The following CACNA1E variants were observed in gnomAD, a reference collection of about 807,000 sequenced individuals.
The protein encoded by CACNA1E is calcium voltage-gated channel subunit alpha1 E.
In CACNA1E, 40 loss-of-function variants were observed where a neutral mutation model predicts 259.2. That is an observed-to-expected ratio of 0.15 (90% CI 0.12 to 0.20). The LOEUF is 0.20. Ranked by LOEUF, CACNA1E falls within the 10% of genes least tolerant of loss-of-function variation. The pLI, the probability that CACNA1E is intolerant of heterozygous loss-of-function variation, is 1.00. For synonymous variants in CACNA1E, 1,104 were observed against 1,138.5 expected, an observed-to-expected ratio of 0.97 and a Z score of 0.61; for missense variants, 1,874 against 3,040.1, an observed-to-expected ratio of 0.62 and a Z score of 9.02.
At chr1:181,361,715 G>A (rs1653897838) in intron 1 of CACNA1E, among the ~76,000 whole-genome samples, 2 of 152,142 alleles carry the variant, frequency 1.3e-5, no homozygotes, top group South Asian at 4.1e-4. Context: ...TCACTGCTCT[G>A]TTTGTATCTG....
chr1:181,766,750 G>C, intron 35 of CACNA1E, 139 bp downstream of exon 35: 1 of 662,216 alleles, frequency 1.5e-6, no homozygotes, highest in East Asian at 2.7e-5. Flanking sequence ...TCTTGTCACA[G>C]TGTGACCTTG....
At position 181,802,036 on chromosome 1, in the gene CACNA1E, G is replaced by A. The variant is rs1329959902; in HGVS notation, c.*3202G>A. 6.6e-6 allele frequency: 1 copy of A among 152,230 alleles called. No homozygotes were observed. The highest frequency in any genetic ancestry group is 1.5e-5 in the Non-Finnish European group (1 of 68,052). 9.4% of individuals were successfully genotyped at this position (152,230 alleles called of 1,614,324 possible). On this transcript the variant is annotated 3_prime_UTR_variant, in exon 48 of 48. Transcript: ENST00000367573. ...GAATGCATGCTGTCTCTTTCTCTGT[G>A]TCTGTCTCCCCATCTCCTAGAGGAC...
At chr1:181,705,253 T>C (rs761081871) in intron 7 of CACNA1E, among the ~76,000 whole-genome samples, 3 of 152,196 alleles carry the variant, frequency 2.0e-5, no homozygotes, top group Non-Finnish European at 4.4e-5. Flanking sequence ...CAGGCACACA[T>C]GATAAATGTT....
chr1:181,596,038 A>G (rs1442453803), intron 6 of CACNA1E, among the ~76,000 whole-genome samples: 1 of 152,200 alleles, frequency 6.6e-6, no homozygotes, highest in African/African-American at 2.4e-5. Flanking sequence ...TAGGTTATTT[A>G]AACTGGATCT....
intron 25 of CACNA1E, among the ~76,000 whole-genome samples, chr1:181,749,469 T>G (rs532724860): frequency 6.6e-6 from 1 of 152,352 alleles, no homozygotes; most frequent in African/African-American, 2.4e-5. Context: ...AACCTGCTGA[T>G]GCAGAGCCTT....
chr1:181,733,406 G>T lies in CACNA1E; in HGVS notation c.2949-31G>T. 2.7e-6 allele frequency: 4 copies of T among 1,481,182 alleles called. 1 individual carries two copies. In the South Asian group the frequency reaches 5.6e-5, roughly 21 times the overall value. 91.8% of individuals were successfully genotyped at this position (1,481,182 alleles called of 1,614,324 possible). A position where few individuals can be genotyped will look rare whatever the true frequency, so the allele number is the denominator to read the frequency against. On this transcript the variant is annotated intron_variant, in intron 20 of 47. Coordinates refer to ENST00000367573, the MANE Select transcript of CACNA1E (RefSeq NM_001205293.3). Reference sequence around the variant, plus strand: ...CCTGCCATTTGGGGACAGCGTCTGAGCACCAGCTCTCTCTTCCTCTCTCTT... The same window carrying T: ...CCTGCCATTTGGGGACAGCGTCTGATCACCAGCTCTCTCTTCCTCTCTCTT...
At chr1:181,713,950 C>G (rs935706499) in intron 8 of CACNA1E, among the ~76,000 whole-genome samples, 2 of 152,208 alleles carry the variant, frequency 1.3e-5, no homozygotes, top group Admixed American at 1.3e-4. Context: ...AGGGGACTGT[C>G]TGGTGTCATT....
At chr1:181,436,167 A>G (rs1660071493) in intron 2 of CACNA1E, among the ~76,000 whole-genome samples, 1 of 152,262 alleles carries the variant, frequency 6.6e-6, no homozygotes, top group African/African-American at 2.4e-5. Context: ...CCACAGTGAG[A>G]TATCAGTTCA....
At chr1:181,426,673 TTCAAC>T (rs1659256788) in intron 2 of CACNA1E, among the ~76,000 whole-genome samples, 1 of 23,878 alleles carries the variant, frequency 4.2e-5, no homozygotes, top group Non-Finnish European at 8.2e-5. Flanking sequence ...CCCTTTACAA[TTCAAC>T]CCCTTCACAA....
chr1:181,422,473 G>A (rs1658822317), intron 2 of CACNA1E, among the ~76,000 whole-genome samples: 1 of 152,198 alleles, frequency 6.6e-6, no homozygotes, highest in East Asian at 1.9e-4. Context: ...TCTAGACCAG[G>A]GTCAGCCCCT....
chr1:181,436,210 A>G (rs1312507197), intron 2 of CACNA1E, among the ~76,000 whole-genome samples: 1 of 152,244 alleles, frequency 6.6e-6, no homozygotes, highest in Admixed American at 6.5e-5. Context: ...AAAAGAGACA[A>G]ACAATGAATG....
intron 6 of CACNA1E, among the ~76,000 whole-genome samples, chr1:181,625,379 A>G (rs1432474303): frequency 1.3e-5 from 2 of 152,198 alleles, no homozygotes; most frequent in African/African-American, 4.8e-5. Flanking sequence ...TTCTTGCAAT[A>G]TGAAGCTGTT....
intron 2 of CACNA1E, among the ~76,000 whole-genome samples, chr1:181,420,600 T>G (rs1215357380): frequency 6.6e-6 from 1 of 152,248 alleles, no homozygotes. Flanking sequence ...GAGGTGGTAC[T>G]AGGTCAAAAA....
chr1:181,360,307 T>C lies in CACNA1E; in HGVS notation c.-15+42184T>C, dbSNP rs1371663776. On this transcript the variant is annotated intron_variant, in intron 1 of 11. Coordinates refer to the CACNA1E transcript ENST00000524607. ...ACAAAAACTGGTACATGCCTGTTCA[T>C]AGAAGCATGATTTCTAATAGCCCCA... 2.0e-5 allele frequency among the ~76,000 whole-genome samples: 3 copies of C among 152,356 alleles called. No homozygotes were observed. The East Asian group carries it at 5.8e-4, about 29-fold the overall frequency.
At position 181,496,517 on chromosome 1, in the gene CACNA1E, A is replaced by T. The variant is rs57383248; in HGVS notation, c.266+12507A>T. 1.7e-3 allele frequency among the ~76,000 whole-genome samples: 266 copies of T among 152,194 alleles called. 2 individuals are homozygous for T. Among genetic ancestry groups the T allele is most frequent in the African/African-American group, 6.2e-3 (256 of 41,504 alleles). ...GGCTTCTTGGGTATTTAGGGCCTCT[A>T]TGTTTGTTCTATCAGATAAGAGAGA... On this transcript the variant is annotated intron_variant, in intron 1 of 47. Transcript: ENST00000367573.
At chr1:181,523,253 C>T (rs976066594) in intron 3 of CACNA1E, among the ~76,000 whole-genome samples, 2 of 152,178 alleles carry the variant, frequency 1.3e-5, no homozygotes, top group African/African-American at 4.8e-5. Flanking sequence ...GATTTCCACT[C>T]CCCCCAGCTG....
At chr1:181,561,622 A>G (rs1029512455) in intron 3 of CACNA1E, among the ~76,000 whole-genome samples, 1 of 152,082 alleles carries the variant, frequency 6.6e-6, no homozygotes, top group Non-Finnish European at 1.5e-5. Flanking sequence ...TCTGTAGTTC[A>G]TTTCTCTTTA....
intron 2 of CACNA1E, among the ~76,000 whole-genome samples, chr1:181,472,054 C>T (rs1300705688): frequency 6.6e-6 from 1 of 152,130 alleles, no homozygotes; most frequent in Non-Finnish European, 1.5e-5. Context: ...TGTAGACACA[C>T]ACACACAATG....
At chr1:181,673,295 G>A (rs1223722444) in intron 7 of CACNA1E, among the ~76,000 whole-genome samples, 3 of 152,032 alleles carry the variant, frequency 2.0e-5, no homozygotes. Flanking sequence ...TGACACTTTG[G>A]GGCTGCCCTG....
Sources: gnomAD v4.1 joint callset for allele counts (sites outside exome capture counted in the v4.1 genomes callset) on GRCh38, gnomAD v4.1.1 for gene constraint, MANE v1.5 for transcripts, NCBI Gene and HGNC (gene_info 2026-07-23, HGNC 2026-07-21) for gene names.